Variants in KIRREL3 observed in about 807,000 individuals in gnomAD.
KIRREL3 encodes the protein kin of IRRE-like protein 3.
KIRREL3 carries 36 observed loss-of-function variants against 89.7 expected under a neutral mutation model. The ratio of observed to expected loss-of-function variants is 0.40; its 90% CI spans 0.31 to 0.53. KIRREL3 has a LOEUF of 0.53. Ranked by LOEUF, KIRREL3 falls within the 20% of genes least tolerant of loss-of-function variation. The pLI is 0.49. For missense variants in KIRREL3, 864 were observed against 1,056.6 expected (o/e 0.82, Z 2.53); for synonymous variants, 445 against 441.4 (o/e 1.01, Z -0.10).
At position 126,807,512 on chromosome 11, in the gene KIRREL3, AC is replaced by A. The variant is rs1322634284; in HGVS notation, c.55+192942del. Among the ~76,000 whole-genome samples the A allele has an allele frequency of 6.6e-6, 1 of 152,100 alleles. No homozygotes were observed. Among genetic ancestry groups the A allele is most frequent in the African/African-American group, 2.4e-5 (1 of 41,400 alleles). ...TTTCAATATAAAAATATAAAAAGTC[AC>A]CCCAAATCTCCCAGTGATATGTGCA... On this transcript the variant is annotated intron_variant, in intron 1 of 16. Coordinates refer to ENST00000525144, the MANE Select transcript of KIRREL3 (RefSeq NM_032531.4). This position sits in a 1 kb window ranked among gnomAD's most constrained non-coding sequence, Gnocchi z 4.3.
At chr11:126,803,012 G>A (rs946544853) in intron 1 of KIRREL3, among the ~76,000 whole-genome samples, 2 of 152,170 alleles carry the variant, frequency 1.3e-5, no homozygotes, top group African/African-American at 4.8e-5. Flanking sequence ...TACAGAGTTA[G>A]CTAATTGATT....
At chr11:126,962,285 A>T (rs903625078) in intron 1 of KIRREL3, among the ~76,000 whole-genome samples, 3 of 152,218 alleles carry the variant, frequency 2.0e-5, no homozygotes, top group Admixed American at 1.3e-4. Flanking sequence ...AGATGCCATT[A>T]AGAACATGCA....
chr11:126,821,351 A>ATATATATATATATATATATATATATG lies in KIRREL3; in HGVS notation c.55+179103_55+179104insCATATATATATATATATATATATATA, dbSNP rs756545626. Reference sequence around the variant, plus strand: ...ACAGTATATATATATATATATATATATGTAACTTCCAACCAACATCCCTTC... The same window carrying ATATATATATATATATATATATATATG: ...ACAGTATATATATATATATATATATATATATATATATATATATATATATATGTGTAACTTCCAACCAACATCCCTTC... On this transcript the variant is annotated intron_variant, in intron 1 of 16. Coordinates refer to ENST00000525144, the MANE Select transcript of KIRREL3 (RefSeq NM_032531.4). 2.0e-3 allele frequency among the ~76,000 whole-genome samples: 206 copies of ATATATATATATATATATATATATATG among 105,080 alleles called. 7 individuals are homozygous for ATATATATATATATATATATATATATG. The highest frequency in any genetic ancestry group is 8.5e-3 in the African/African-American group (195 of 22,868). 68.9% of individuals were successfully genotyped at this position (105,080 alleles called of 152,430 possible).
rs1336260275 is a variant in KIRREL3 at position 126,867,990 on chromosome 11, C to T, written c.55+132465G>A. On this transcript the variant is annotated intron_variant, in intron 1 of 16. Coordinates refer to ENST00000525144, the MANE Select transcript of KIRREL3 (RefSeq NM_032531.4). The surrounding 1 kb of genome is among the most constrained non-coding windows in gnomAD (Gnocchi z 4.7). Reference sequence around the variant, plus strand: ...ATTCATTGATTGGCCAGACAGCTCCCTGACTTGAGCACTTCTCTCTCTTCC... The same window carrying T: ...ATTCATTGATTGGCCAGACAGCTCCTTGACTTGAGCACTTCTCTCTCTTCC... 6.9e-6 allele frequency among the ~76,000 whole-genome samples: 1 copy of T among 144,278 alleles called. No homozygotes were observed. The highest frequency in any genetic ancestry group is 7.5e-5 in the Admixed American group (1 of 13,316). The allele number at this position is 144,278 out of a possible 152,430, so 94.7% of individuals were successfully genotyped here. A position where few individuals can be genotyped will look rare whatever the true frequency, so the allele number is the denominator to read the frequency against.
In KIRREL3 at chr11:126,496,087, G is replaced by A. The variant is rs1678107119; in HGVS notation, c.434-22621C>T. ...CAGAGATCCAGAACCATTCAGCTAAGCCAGGCTCAGTTTCTTGACCTGCAG... is the reference window on the plus strand; with the variant it reads ...CAGAGATCCAGAACCATTCAGCTAAACCAGGCTCAGTTTCTTGACCTGCAG... On this transcript the variant is annotated intron_variant, in intron 4 of 16. Coordinates refer to ENST00000525144, the MANE Select transcript of KIRREL3 (RefSeq NM_032531.4). The surrounding 1 kb of genome is among the most constrained non-coding windows in gnomAD (Gnocchi z 4.9). 6.6e-6 allele frequency among the ~76,000 whole-genome samples: 1 copy of A among 152,188 alleles called. No individual in the cohort carries two copies. Among genetic ancestry groups the A allele is most frequent in the Admixed American group, 6.5e-5 (1 of 15,280 alleles).
In KIRREL3 at chr11:126,558,051, T is replaced by C. The variant is rs988451387; in HGVS notation, c.133+4784A>G. Among the ~76,000 whole-genome samples the C allele has an allele frequency of 6.6e-6, 1 of 152,208 alleles. No homozygotes were observed. Among genetic ancestry groups the C allele is most frequent in the East Asian group, 1.9e-4 (1 of 5,194 alleles). On this transcript the variant is annotated intron_variant, in intron 2 of 16. Transcript: ENST00000525144. This position sits in a 1 kb window ranked among gnomAD's most constrained non-coding sequence, Gnocchi z 4.0. Reference sequence around the variant, plus strand: ...TCTCTTGAAGCAGACATCATTGCAATGCTGAAAGTCCACGGAAACCGACAC... The same window carrying C: ...TCTCTTGAAGCAGACATCATTGCAACGCTGAAAGTCCACGGAAACCGACAC...
intron 1 of KIRREL3, among the ~76,000 whole-genome samples, chr11:126,926,282 C>G (rs992492231): frequency 6.6e-6 from 1 of 152,212 alleles, no homozygotes; most frequent in Non-Finnish European, 1.5e-5. Context: ...TCAGTTCCTT[C>G]TTCTGTAAGA....
intron 5 of KIRREL3, among the ~76,000 whole-genome samples, chr11:126,470,908 C>A (rs376429833): frequency 1.3e-5 from 2 of 152,346 alleles, no homozygotes; most frequent in East Asian, 3.9e-4. Context: ...AGGCCTCATT[C>A]ATCTTAGAGG....
Position 126,995,578 on chromosome 11 carries a change from T to C in KIRREL3, c.55+4877A>G. ...TATATCAAGACCATAAAACCAGTGC[T>C]TTTGGCCCTCCTCCTCACTCCTCCA... On this transcript the variant is annotated intron_variant, in intron 1 of 16. Transcript: ENST00000525144. The surrounding 1 kb of genome is among the most constrained non-coding windows in gnomAD (Gnocchi z 6.5). 1 of 311,752 alleles carries C rather than the reference T, an allele frequency of 3.2e-6. No homozygotes were observed. The highest frequency in any genetic ancestry group is 6.2e-6 in the Non-Finnish European group (1 of 160,028). The allele number at this position is 311,752 out of a possible 1,614,324, so 19.3% of individuals were successfully genotyped here.
In KIRREL3 at chr11:126,474,695, C is replaced by T. The variant is rs540923210; in HGVS notation, c.434-1229G>A. ...GTGCCAGGAAGAGGGCCATCCGCGT[C>T]GGAGCACGGTCTCCGCAGTGCCCAG... On this transcript the variant is annotated intron_variant, in intron 4 of 16. Coordinates refer to ENST00000525144, the MANE Select transcript of KIRREL3 (RefSeq NM_032531.4). This position sits in a 1 kb window ranked among gnomAD's most constrained non-coding sequence, Gnocchi z 6.7. Among the ~76,000 whole-genome samples the T allele has an allele frequency of 1.1e-3, 160 of 152,316 alleles. No individual in the cohort carries two copies. The highest frequency in any genetic ancestry group is 3.6e-3 in the African/African-American group (149 of 41,566).
At chr11:126,725,427 G>A (rs376104877) in intron 1 of KIRREL3, among the ~76,000 whole-genome samples, 3 of 152,216 alleles carry the variant, frequency 2.0e-5, no homozygotes, top group African/African-American at 7.2e-5. Context: ...GTCATGGTTT[G>A]GAAATGGTGC....
rs1308937281 is a variant in KIRREL3 at position 126,991,369 on chromosome 11, T to C, written c.55+9086A>G. Among the ~76,000 whole-genome samples the C allele has an allele frequency of 2.0e-5, 3 of 152,126 alleles. No individual in the cohort carries two copies. Among genetic ancestry groups the C allele is most frequent in the African/African-American group, 7.2e-5 (3 of 41,402 alleles). On this transcript the variant is annotated intron_variant, in intron 1 of 16. Transcript: ENST00000525144. This position sits in a 1 kb window ranked among gnomAD's most constrained non-coding sequence, Gnocchi z 5.8. ...ATATTTCCACACTTATTCACAGCCTTCTATGTGCCCAATAGTGTGCTAGAC... is the reference window on the plus strand; with the variant it reads ...ATATTTCCACACTTATTCACAGCCTCCTATGTGCCCAATAGTGTGCTAGAC...
Position 126,555,291 on chromosome 11 carries a change from G to A in KIRREL3, c.133+7544C>T, listed in dbSNP as rs73634676. ...GCCAGAGGTAGGCTGAGTGAAACAA[G>A]CCACTCCAGTTCCCACCCACAAAGA... is the stretch of plus-strand genomic sequence containing the variant. On this transcript the variant is annotated intron_variant, in intron 2 of 16. Coordinates refer to ENST00000525144, the MANE Select transcript of KIRREL3 (RefSeq NM_032531.4). The surrounding 1 kb of genome is among the most constrained non-coding windows in gnomAD (Gnocchi z 4.2). 0.04 allele frequency among the ~76,000 whole-genome samples: 6,050 copies of A among 152,266 alleles called. 302 individuals carry two copies. Among genetic ancestry groups the A allele is most frequent in the African/African-American group, 0.12 (4,857 of 41,522 alleles).
rs997367887 is a variant in KIRREL3, at chr11:126,551,136, G to A, written c.133+11699C>T. 1.3e-5 allele frequency among the ~76,000 whole-genome samples: 2 copies of A among 152,214 alleles called. No individual in the cohort carries two copies. The highest frequency in any genetic ancestry group is 2.9e-5 in the Non-Finnish European group (2 of 68,050). ...CAGATGAAGAGATTGGGGGGAAGGG[G>A]CAGGAGCTTCCACGCCCTCCCTGAG... is the stretch of plus-strand genomic sequence containing the variant. On this transcript the variant is annotated intron_variant, in intron 2 of 16. Transcript: ENST00000525144. The surrounding 1 kb of genome is among the most constrained non-coding windows in gnomAD (Gnocchi z 4.9).
At chr11:126,674,593 C>T (rs1946102519) in intron 1 of KIRREL3, among the ~76,000 whole-genome samples, 1 of 152,216 alleles carries the variant, frequency 6.6e-6, no homozygotes, top group African/African-American at 2.4e-5. Context: ...CCAATACTGA[C>T]ATTCACCAAC....
chr11:126,770,172 G>T (rs962113455), intron 1 of KIRREL3, among the ~76,000 whole-genome samples: 2 of 152,094 alleles, frequency 1.3e-5, no homozygotes, highest in South Asian at 4.2e-4. Flanking sequence ...GAGCCTCCCT[G>T]CTTCCTGCTT....
Position 126,778,526 on chromosome 11 carries a change from T to C in KIRREL3, c.56-215614A>G, listed in dbSNP as rs528048165. 6.6e-6 allele frequency among the ~76,000 whole-genome samples: 1 copy of C among 152,372 alleles called. No homozygotes were observed. Among genetic ancestry groups the C allele is most frequent in the East Asian group, 1.9e-4 (1 of 5,190 alleles). Reference sequence around the variant, plus strand: ...GGAATTTGTATTACTTTTATGTTTTTGCTATAACAACAATGCTGCGGTAAA... The same window carrying C: ...GGAATTTGTATTACTTTTATGTTTTCGCTATAACAACAATGCTGCGGTAAA... On this transcript the variant is annotated intron_variant, in intron 1 of 16. Coordinates refer to ENST00000525144, the MANE Select transcript of KIRREL3 (RefSeq NM_032531.4). The surrounding 1 kb of genome is among the most constrained non-coding windows in gnomAD (Gnocchi z 4.5).
intron 1 of KIRREL3, among the ~76,000 whole-genome samples, chr11:126,848,687 ACT>A (rs927643019): frequency 9.9e-5 from 15 of 152,136 alleles, no homozygotes; most frequent in Admixed American, 6.5e-4. Context: ...TTGCTGTTGG[ACT>A]CTCTGTGTAG....
At chr11:126,604,608 C>T (rs761438218) in intron 1 of KIRREL3, among the ~76,000 whole-genome samples, 5 of 152,160 alleles carry the variant, frequency 3.3e-5, no homozygotes, top group Non-Finnish European at 5.9e-5. Flanking sequence ...GGTTCTGATC[C>T]GTTGGCTTAC....
Sources: gnomAD v4.1 joint callset for allele counts (sites outside exome capture counted in the v4.1 genomes callset) on GRCh38, gnomAD v4.1.1 for gene constraint, Gnocchi (gnomAD v3.1) non-coding constraint, MANE v1.5 for transcripts, NCBI Gene and HGNC (gene_info 2026-07-23, HGNC 2026-07-21) for gene names.